TTC17: variants seen among roughly 807,000 people sequenced by gnomAD.
TTC17 encodes tetratricopeptide repeat domain 17.
A neutral mutation model predicts 143.8 loss-of-function variants in TTC17; 58 were observed. That is an observed-to-expected ratio of 0.40 (90% CI 0.33 to 0.50). The LOEUF (loss-of-function observed/expected upper bound fraction) is 0.50. Among genes scored for constraint, TTC17 ranks in the 20% least tolerant of loss-of-function variants. TTC17 has a pLI of 0.49. For missense variants in TTC17, 1,273 were observed against 1,392.5 expected, an observed-to-expected ratio of 0.91 and a Z score of 1.37; for synonymous variants, 501 against 497.8, an observed-to-expected ratio of 1.01 and a Z score of -0.09.
chr11:43,460,922 C>A (rs1014738293), intron 21 of TTC17, among the ~76,000 whole-genome samples: 43 of 152,316 alleles, frequency 2.8e-4, no homozygotes, highest in African/African-American at 1.0e-3. Flanking sequence ...AGCACTACTT[C>A]ATCCATGCTG....
chr11:43,405,523 C>T lies in TTC17; in HGVS notation c.1489C>T (p.His497Tyr). Residue 497 changes from histidine (H) to tyrosine (Y), a missense_variant, in exon 12 of 24, where the codon CAT becomes TAT. This residue lies in a region of TTC17 where 878 missense variants were observed against 899.8 expected (regional missense o/e 0.98). Coordinates refer to ENST00000039989, the MANE Select transcript of TTC17 (RefSeq NM_018259.6). ...RDSDAYRDKQ[H>Y]ILWPKRADCT... is the part of the protein sequence containing the mutation. ...TTTGTTTCTTTATCAGGACAAACAG[C>T]ATATTCTATGGCCTAAAAGAGCAGA... 6.2e-7 allele frequency: 1 copy of T among 1,613,392 alleles called. No individual in the cohort carries two copies. The highest frequency in any genetic ancestry group is 8.5e-7 in the Non-Finnish European group (1 of 1,179,468).
intron 16 of TTC17, among the ~76,000 whole-genome samples, chr11:43,432,603 A>G (rs910331450): frequency 6.6e-6 from 1 of 152,220 alleles, no homozygotes; most frequent in African/African-American, 2.4e-5. Context: ...AGGTTAGTGT[A>G]AGTCATAGAA....
At chr11:43,415,572 A>G (rs1946760460) in intron 16 of TTC17, among the ~76,000 whole-genome samples, 1 of 152,130 alleles carries the variant, frequency 6.6e-6, no homozygotes, top group African/African-American at 2.4e-5. Flanking sequence ...ATTTAATCAG[A>G]TGGATATTAG....
intron 1 of TTC17, among the ~76,000 whole-genome samples, chr11:43,372,950 T>G (rs2134458179): frequency 6.6e-6 from 1 of 152,244 alleles, no homozygotes; most frequent in Non-Finnish European, 1.5e-5. Context: ...TACAGAGGAA[T>G]AGAGAGAGGA....
intron 21 of TTC17, among the ~76,000 whole-genome samples, chr11:43,456,355 A>G (rs957516873): frequency 3.9e-5 from 6 of 152,212 alleles, no homozygotes; most frequent in Non-Finnish European, 5.9e-5. Flanking sequence ...AGGCATTCAG[A>G]CTGCCTACTG....
rs1200644982 is a variant in TTC17, at chr11:43,443,412, A to G, written c.2339A>G (p.Asp780Gly). The G allele has an allele frequency of 6.2e-7, 1 of 1,614,186 alleles. No homozygotes were observed. The highest frequency in any genetic ancestry group is 1.7e-5 in the Admixed American group (1 of 60,024). The change falls in exon 17 of 24, where the codon GAT (aspartate) becomes GGT (glycine). Residue 780 changes from aspartate (D) to glycine (G), a missense_variant. This residue lies in a region of TTC17 where 878 missense variants were observed against 899.8 expected (regional missense o/e 0.98). Coordinates refer to ENST00000039989, the MANE Select transcript of TTC17 (RefSeq NM_018259.6). ...KMSEEILALV[D>G]EFQQAWPLEG... ...TCAGAAGAAATACTGGCTTTGGTGG[A>G]TGAATTTCAACAGGCATGGCCTTTG...
chr11:43,373,637 T>C (rs1856656016), intron 1 of TTC17, among the ~76,000 whole-genome samples: 1 of 152,190 alleles, frequency 6.6e-6, no homozygotes, highest in South Asian at 2.1e-4. Context: ...AAGAAGCTTT[T>C]AACAACAGCT....
rs1857850851 is a variant in TTC17 at position 43,401,434 on chromosome 11, T to C, written c.1220-12T>C. ...TTGCTCATCATTTGTGTAATTTCCT[T>C]TCTTATTCCAGGAAATCATCAGATA... On this transcript the variant is annotated splice_polypyrimidine_tract_variant and intron_variant, in intron 9 of 23. Coordinates refer to ENST00000039989, the MANE Select transcript of TTC17 (RefSeq NM_018259.6). 1.9e-6 allele frequency: 3 copies of C among 1,579,728 alleles called. No homozygotes were observed. The East Asian group carries it at 6.7e-5, about 35-fold the overall frequency.
intron 18 of TTC17, chr11:43,446,008 C>T (rs1947532079): frequency 6.5e-7 from 1 of 1,534,306 alleles, no homozygotes; most frequent in Non-Finnish European, 8.7e-7. Flanking sequence ...AACAGAGCCT[C>T]TTATGATATC....
intron 1 of TTC17, among the ~76,000 whole-genome samples, chr11:43,360,186 GTGTAA>G (rs1856040629): frequency 6.6e-6 from 1 of 152,188 alleles, no homozygotes; most frequent in Admixed American, 6.5e-5. Context: ...TAGATTTGCC[GTGTAA>G]TGTAATTGCA....
intron 5 of TTC17, 84 bp from the exon 6 acceptor site, chr11:43,396,625 C>G: frequency 1.5e-6 from 1 of 674,394 alleles, no homozygotes; most frequent in Non-Finnish European, 2.4e-6. Flanking sequence ...TCAGAAGAGC[C>G]AGAATATTAA....
intron 21 of TTC17, among the ~76,000 whole-genome samples, chr11:43,461,985 A>G (rs984655588): frequency 2.6e-5 from 4 of 152,176 alleles, no homozygotes; most frequent in Admixed American, 2.6e-4. Context: ...ATAAAGGTAC[A>G]TAAAAGTAGA....
chr11:43,368,232 C>T (rs778740065), intron 1 of TTC17, among the ~76,000 whole-genome samples: 16 of 152,096 alleles, frequency 1.1e-4, no homozygotes, highest in Admixed American at 6.5e-5. Flanking sequence ...TTTGCAGTCT[C>T]GGGGCATAAA....
rs755137476 is a variant in TTC17 at position 43,397,364 on chromosome 11, C to A, written c.791C>A (p.Ala264Asp). The change falls in exon 7 of 24, where the codon GCC (alanine) becomes GAC (aspartate). Residue 264 changes from alanine to aspartate, a missense_variant. Physicochemically the swap from Ala to Asp is moderately radical, Grantham distance 126. This residue lies in a region of TTC17 where 325 missense variants were observed against 444.2 expected (regional missense o/e 0.73). Coordinates refer to ENST00000039989, the MANE Select transcript of TTC17 (RefSeq NM_018259.6). ...HFSSRHNKDI[A>D]LVNLANVLHR... Reference sequence around the variant, plus strand: ...TTCCTTAGGCACAATAAAGACATTGCCCTGGTCAACCTGGCAAACGTTCTA... The same window carrying A: ...TTCCTTAGGCACAATAAAGACATTGACCTGGTCAACCTGGCAAACGTTCTA... 2.5e-6 allele frequency: 4 copies of A among 1,610,576 alleles called. No homozygotes were observed. Among genetic ancestry groups the A allele is most frequent in the Non-Finnish European group, 8.5e-7 (1 of 1,179,700 alleles).
intron 3 of TTC17, among the ~76,000 whole-genome samples, chr11:43,390,049 A>G (rs779749690): frequency 1.3e-5 from 2 of 152,162 alleles, no homozygotes; most frequent in African/African-American, 2.4e-5. Context: ...CCTCACACCT[A>G]TAATCCCAGT....
chr11:43,463,736 A>G (rs1042473148), intron 21 of TTC17, among the ~76,000 whole-genome samples: 9 of 152,346 alleles, frequency 5.9e-5, no homozygotes, highest in Admixed American at 1.3e-4. Context: ...CAAAGAAGAA[A>G]CAATCAAGAA....
At chr11:43,397,563 CAGT>C in intron 7 of TTC17, 72 bp downstream of exon 7, 2 of 1,380,770 alleles carry the variant, frequency 1.4e-6, no homozygotes, top group Admixed American at 4.7e-5. Flanking sequence ...TCTCCCCCCT[CAGT>C]AGAATGTTAC....
chr11:43,397,284 G>A, intron 6 of TTC17, 63 bp from the exon 7 acceptor site: 4 of 1,541,270 alleles, frequency 2.6e-6, no homozygotes, highest in Non-Finnish European at 3.5e-6. Flanking sequence ...AAGTAACTTT[G>A]AATGTCATTT....
chr11:43,376,689 A>G lies in TTC17; in HGVS notation c.160-2544A>G, dbSNP rs554764886. On this transcript the variant is annotated intron_variant, in intron 1 of 23. Transcript: ENST00000039989. The stretch of plus-strand genomic sequence containing the variant: ...CACGTTGTATATGACACAGGAGTAC[A>G]TAGACTCTAAACATTGACTCAGGAC... Among the ~76,000 whole-genome samples the G allele has an allele frequency of 3.3e-5, 5 of 152,254 alleles. No homozygotes were observed. The East Asian group carries it at 9.6e-4, about 29-fold the overall frequency.
Sources: gnomAD v4.1 joint callset for allele counts (sites outside exome capture counted in the v4.1 genomes callset) on GRCh38, gnomAD v4.1.1 for gene constraint, gnomAD v4.1.1 regional missense constraint, MANE v1.5 for transcripts, NCBI Gene and HGNC (gene_info 2026-07-23, HGNC 2026-07-21) for gene names.